The following MIGA2 variants were observed in gnomAD, a reference collection of about 807,000 sequenced individuals.
MIGA2 encodes mitoguardin 2, also known as family with sequence similarity 73, member B.
Under a neutral mutation model 69.9 loss-of-function variants are expected in MIGA2, and 36 were observed. The observed-to-expected ratio is 0.52, with a 90% CI of 0.39 to 0.68. The LOEUF is 0.68. Among genes scored for constraint, MIGA2 ranks in the 30% least tolerant of loss-of-function variants. The pLI is 0.00. For missense variants in MIGA2, 660 were observed against 787.7 expected, an observed-to-expected ratio of 0.84 and a Z score of 1.94; for synonymous variants, 333 against 349.2, an observed-to-expected ratio of 0.95 and a Z score of 0.52.
rs1846579268 is a variant in MIGA2 at position 129,069,911 on chromosome 9, C to T, written c.1521C>T (p.Ala507=). The T allele has an allele frequency of 6.2e-7, 1 of 1,613,292 alleles. No homozygotes were observed. Among genetic ancestry groups the T allele is most frequent in the African/African-American group, 1.3e-5 (1 of 74,922 alleles). Residue 507 remains alanine (A), a synonymous_variant, in exon 15 of 16, where the codon GCC becomes GCT. Transcript: ENST00000684074. This position sits in a 1 kb window ranked among gnomAD's most constrained non-coding sequence, Gnocchi z 4.9. ...SVSEHVSPVL[A]FGFLGPKPQL... is the part of the protein sequence containing the mutation. ...CGGAGCATGTGAGCCCTGTCCTAGC[C>T]TTCGGCTTCCTTGGACCCAAGCCTC...
At chr9:129,037,174 A>G (rs888745272) in intron 1 of MIGA2, among the ~76,000 whole-genome samples, 4 of 152,206 alleles carry the variant, frequency 2.6e-5, no homozygotes, top group Admixed American at 1.3e-4. Context: ...GGGGTCCGGC[A>G]TGGGGTGAAT....
chr9:129,044,466 C>T (rs1266827596), intron 3 of MIGA2, among the ~76,000 whole-genome samples: 4 of 152,262 alleles, frequency 2.6e-5, no homozygotes, highest in Non-Finnish European at 2.9e-5. Flanking sequence ...ACTCTTACGG[C>T]TCCTGTTAAT....
At chr9:129,043,943 G>A (rs1292986320) in intron 3 of MIGA2, among the ~76,000 whole-genome samples, 4 of 150,740 alleles carry the variant, frequency 2.7e-5, no homozygotes, top group East Asian at 2.0e-4. Context: ...CTCGTGATCC[G>A]CCTGCCTCGG....
chr9:129,042,205 GC>G, intron 2 of MIGA2, 98 bp from the exon 3 acceptor site: 1 of 1,184,026 alleles, frequency 8.4e-7, no homozygotes, highest in South Asian at 1.4e-5. Flanking sequence ...GTGCCGGAGA[GC>G]CGGTGTGTGT....
chr9:129,052,265 G>A (rs1845587219), intron 6 of MIGA2, among the ~76,000 whole-genome samples: 1 of 152,092 alleles, frequency 6.6e-6, no homozygotes, highest in African/African-American at 2.4e-5. Context: ...CAGAGTCAGA[G>A]GTGCCTGCCA....
intron 1 of MIGA2, among the ~76,000 whole-genome samples, chr9:129,037,262 G>T (rs1274031794): frequency 6.6e-6 from 1 of 152,094 alleles, no homozygotes. Context: ...GCACAGGCCA[G>T]AGTCATTAGT....
At position 129,061,409 on chromosome 9, in the gene MIGA2, G is replaced by A. The variant is rs1293064511; in HGVS notation, c.1010+63G>A. 11 of 1,453,036 alleles carry A rather than the reference G, an allele frequency of 7.6e-6. No homozygotes were observed. The highest frequency in any genetic ancestry group is 4.9e-5 in the South Asian group (4 of 80,838). The allele number at this position is 1,453,036 out of a possible 1,614,324, so 90.0% of individuals were successfully genotyped here. On this transcript the variant is annotated intron_variant, in intron 9 of 15. Coordinates refer to ENST00000684074, the MANE Select transcript of MIGA2 (RefSeq NM_001329990.2). The surrounding 1 kb of genome is among the most constrained non-coding windows in gnomAD (Gnocchi z 5.0). ...GGCGATGGGTGATTCTGGCCCTTGC[G>A]GGAGGCGGAGAAGCCAGCGGTGCTT...
rs185850479 is a variant in MIGA2 at position 129,063,851 on chromosome 9, C to T, written c.1170+220C>T. Among the ~76,000 whole-genome samples the T allele has an allele frequency of 1.1e-3, 169 of 152,288 alleles. 1 individual carries two copies. Among genetic ancestry groups the T allele is most frequent in the African/African-American group, 3.8e-3 (159 of 41,568 alleles). The stretch of plus-strand genomic sequence containing the variant: ...TACCCTGGAGTGTGGCGGCATGTGG[C>T]GTCCGTCTCTCCATGCTGGCACTGG... On this transcript the variant is annotated intron_variant, in intron 11 of 15. Transcript: ENST00000684074.
rs1467620856 is a variant in MIGA2, at chr9:129,040,675, C to T, written c.81C>T (p.Tyr27=). 1.2e-6 allele frequency: 2 copies of T among 1,613,652 alleles called. No individual in the cohort carries two copies. The highest frequency in any genetic ancestry group is 1.3e-5 in the African/African-American group (1 of 74,942). Residue 27 remains tyrosine (Y), a synonymous_variant, in exon 2 of 16, where the codon TAC becomes TAT. Transcript: ENST00000684074. ...MTVAEIPVFL[Y]TTFGQSAFSQ... ...TGGCCGAGATCCCCGTGTTCCTGTA[C>T]ACGACGTTTGGGCAGGTAAGGATCA...
At chr9:129,052,498 C>G (rs1053806610) in intron 6 of MIGA2, among the ~76,000 whole-genome samples, 2 of 151,986 alleles carry the variant, frequency 1.3e-5, no homozygotes, top group Non-Finnish European at 2.9e-5. Flanking sequence ...TTTTTGTGGC[C>G]AGGCACGGTG....
At chr9:129,066,474 A>G (rs1189317384) in intron 11 of MIGA2, among the ~76,000 whole-genome samples, 1 of 151,834 alleles carries the variant, frequency 6.6e-6, no homozygotes, top group Non-Finnish European at 1.5e-5. Context: ...GGAGATCAAG[A>G]CCATCCTGGC....
intron 2 of MIGA2, among the ~76,000 whole-genome samples, chr9:129,041,198 G>A (rs1844885680): frequency 6.6e-6 from 1 of 152,212 alleles, no homozygotes; most frequent in African/African-American, 2.4e-5. Flanking sequence ...AGCCAAGCAT[G>A]GTGGTGTGCA....
chr9:129,049,749 C>G, intron 5 of MIGA2, 78 bp from the exon 6 acceptor site: 2 of 1,602,384 alleles, frequency 1.2e-6, no homozygotes, highest in South Asian at 2.2e-5. Flanking sequence ...GCCCTCCTGC[C>G]TCCTTGATGT....
In MIGA2 at chr9:129,068,586, G is replaced by A. The variant is rs975158018; in HGVS notation, c.1404+254G>A. 6 of 508,088 alleles carry A rather than the reference G, an allele frequency of 1.2e-5. No individual in the cohort carries two copies. Among genetic ancestry groups the A allele is most frequent in the African/African-American group, 1.9e-5 (1 of 52,030 alleles). The allele number at this position is 508,088 out of a possible 1,614,324, so 31.5% of individuals were successfully genotyped here. The stretch of plus-strand genomic sequence containing the variant: ...ATTGTGTGGTTTTACTTTTGTGCTG[G>A]TATGAATTCGATTCCATTTTAATGC... On this transcript the variant is annotated intron_variant, in intron 13 of 15. Coordinates refer to ENST00000684074, the MANE Select transcript of MIGA2 (RefSeq NM_001329990.2). This position sits in a 1 kb window ranked among gnomAD's most constrained non-coding sequence, Gnocchi z 4.1.
In MIGA2 at chr9:129,040,578, G is replaced by T; in HGVS notation, c.-17G>T. The T allele has an allele frequency of 6.2e-7, 1 of 1,605,566 alleles. No homozygotes were observed. The highest frequency in any genetic ancestry group is 8.5e-7 in the Non-Finnish European group (1 of 1,173,998). On this transcript the variant is annotated 5_prime_UTR_variant, in exon 2 of 16. Transcript: ENST00000684074. ...GCTCTTGGCCCTGAGGACTTTGCCT[G>T]GGGCATTGGCCCTGCCATGGCGTTC...
Position 129,068,859 on chromosome 9 carries a change from G to A in MIGA2, c.1405-217G>A. 1 of 617,144 alleles carries A rather than the reference G, an allele frequency of 1.6e-6. No individual in the cohort carries two copies. Among genetic ancestry groups the A allele is most frequent in the Non-Finnish European group, 2.9e-6 (1 of 343,944 alleles). 38.2% of individuals were successfully genotyped at this position (617,144 alleles called of 1,614,324 possible). On this transcript the variant is annotated intron_variant, in intron 13 of 15. Coordinates refer to ENST00000684074, the MANE Select transcript of MIGA2 (RefSeq NM_001329990.2). This position sits in a 1 kb window ranked among gnomAD's most constrained non-coding sequence, Gnocchi z 4.1. ...ACAGAAGAGGAGACCGAGGCTCAGA[G>A]AAGATCCAGCAGTAAGATTAGAGTC... is the stretch of plus-strand genomic sequence containing the variant.
At chr9:129,065,350 AT>A (rs376988694) in intron 11 of MIGA2, among the ~76,000 whole-genome samples, 161 of 144,558 alleles carry the variant, frequency 1.1e-3, no homozygotes, top group Middle Eastern at 3.6e-3. Context: ...TATCTATAGG[AT>A]TTTTTTTTTT....
rs917220267 is a variant in MIGA2 at position 129,060,950 on chromosome 9, G to C, written c.895-281G>C. ...CTCAGTCTCCTGCCATGGGCACATG[G>C]ATCAGGCACTGTGTCCTTCCTTGGG... On this transcript the variant is annotated intron_variant, in intron 8 of 15. Coordinates refer to ENST00000684074, the MANE Select transcript of MIGA2 (RefSeq NM_001329990.2). This position sits in a 1 kb window ranked among gnomAD's most constrained non-coding sequence, Gnocchi z 4.8. Among the ~76,000 whole-genome samples, 8 of 152,230 alleles carry C rather than the reference G, an allele frequency of 5.3e-5. No individual in the cohort carries two copies. The highest frequency in any genetic ancestry group is 2.0e-4 in the Admixed American group (3 of 15,284).
intron 6 of MIGA2, among the ~76,000 whole-genome samples, chr9:129,051,642 C>T (rs529146771): frequency 4.6e-5 from 7 of 151,520 alleles, no homozygotes; most frequent in Non-Finnish European, 1.0e-4. Flanking sequence ...GCCGCCCAGG[C>T]TGGAGGTGCA....
Sources: allele counts gnomAD v4.1 joint callset (sites outside exome capture counted in the v4.1 genomes callset), GRCh38; gene constraint gnomAD v4.1.1; non-coding constraint Gnocchi (gnomAD v3.1); transcripts MANE v1.5; gene names NCBI Gene and HGNC (gene_info 2026-07-23, HGNC 2026-07-21).